STXBP4: variants seen among roughly 807,000 people sequenced by gnomAD.
STXBP4 encodes syntaxin binding protein 4, also known as syntaxin-binding protein 4.
In STXBP4, 55 loss-of-function variants were observed where a neutral mutation model predicts 76.1. That is an observed-to-expected ratio of 0.72 (90% confidence interval 0.58 to 0.91). The LOEUF is 0.91. STXBP4 is among the 40% of genes least tolerant of loss of function. STXBP4 has a pLI of 0.00. For synonymous variants in STXBP4, 201 were observed against 220.2 expected (o/e 0.91, Z 0.77); for missense variants, 618 against 636.9 (o/e 0.97, Z 0.32).
At chr17:54,971,580 A>G (rs1325149806) in intron 1 of STXBP4, among the ~76,000 whole-genome samples, 1 of 152,190 alleles carries the variant, frequency 6.6e-6, no homozygotes, top group Non-Finnish European at 1.5e-5. Context: ...TAGGGCTTCA[A>G]CATATGGATT....
intron 16 of STXBP4, among the ~76,000 whole-genome samples, chr17:55,119,753 A>G (rs1464679973): frequency 6.7e-6 from 1 of 149,720 alleles, no homozygotes; most frequent in Non-Finnish European, 1.5e-5. Context: ...ACTTTAACTC[A>G]GTTTATGTTC....
intron 16 of STXBP4, among the ~76,000 whole-genome samples, chr17:55,117,368 A>AT (rs903066614): frequency 1.3e-4 from 20 of 151,222 alleles, no homozygotes; most frequent in African/African-American, 3.6e-4. Context: ...TAGTTGTAAA[A>AT]TTTTTTTTTC....
Position 55,170,393 on chromosome 17 carries a change from A to G in STXBP4, c.*10482A>G, listed in dbSNP as rs940039710. 2 of 152,218 alleles carry G rather than the reference A, an allele frequency of 1.3e-5. No homozygotes were observed. Among genetic ancestry groups the G allele is most frequent in the Non-Finnish European group, 2.9e-5 (2 of 68,018 alleles). The allele number at this position is 152,218 out of a possible 1,614,324, so 9.4% of individuals were successfully genotyped here. On this transcript the variant is annotated 3_prime_UTR_variant, in exon 18 of 18. Coordinates refer to ENST00000376352, the MANE Select transcript of STXBP4 (RefSeq NM_178509.6). ...AACAGGAAACAGATCTGTATACAAT[A>G]TAAAACCAACAGTATTGTATATATA...
rs950027016 is a variant in STXBP4 at position 55,161,409 on chromosome 17, G to A, written c.*1498G>A. ...AAGCCCCAGAGGGAGCTATTTCCTT[G>A]CACCCCCCAGAGGTGAATGAGGTAT... On this transcript the variant is annotated 3_prime_UTR_variant, in exon 18 of 18. Transcript: ENST00000376352. 5.3e-5 allele frequency: 8 copies of A among 152,170 alleles called. No homozygotes were observed. The allele number at this position is 152,170 out of a possible 1,614,324, so 9.4% of individuals were successfully genotyped here. A position where few individuals can be genotyped will look rare whatever the true frequency, so the allele number is the denominator to read the frequency against.
chr17:55,101,298 C>T (rs1457391561), intron 16 of STXBP4, among the ~76,000 whole-genome samples: 1 of 152,118 alleles, frequency 6.6e-6, no homozygotes, highest in African/African-American at 2.4e-5. Context: ...CTTCAGACTC[C>T]TTATGAGAGA....
chr17:55,045,002 C>G (rs953913169), intron 11 of STXBP4, among the ~76,000 whole-genome samples: 11 of 151,966 alleles, frequency 7.2e-5, no homozygotes, highest in African/African-American at 2.2e-4. Context: ...TAGACTATTT[C>G]CAGTTTTTAA....
chr17:55,034,599 A>G (rs563147111), intron 10 of STXBP4, among the ~76,000 whole-genome samples: 4 of 152,252 alleles, frequency 2.6e-5, no homozygotes, highest in Non-Finnish European at 4.4e-5. Flanking sequence ...TATAATATAC[A>G]CATAGAAAAG....
At chr17:55,125,226 AATGACATAGTGGATG>A (rs1831119459) in intron 16 of STXBP4, among the ~76,000 whole-genome samples, 1 of 152,162 alleles carries the variant, frequency 6.6e-6, no homozygotes, top group South Asian at 2.1e-4. Flanking sequence ...ATTATTGCAG[AATGACATAGTGGATG>A]ATGACTAAAG....
chr17:55,112,475 G>C (rs1467758849), intron 16 of STXBP4, among the ~76,000 whole-genome samples: 1 of 152,124 alleles, frequency 6.6e-6, no homozygotes. Flanking sequence ...TATAAAACTA[G>C]ACAATAATTG....
rs2080359934 is a variant in STXBP4 at position 55,164,025 on chromosome 17, A to C, written c.*4114A>C. The C allele has an allele frequency of 6.6e-6, 1 of 152,662 alleles. No individual in the cohort carries two copies. Among genetic ancestry groups the C allele is most frequent in the South Asian group, 2.1e-4 (1 of 4,834 alleles). 9.5% of individuals were successfully genotyped at this position (152,662 alleles called of 1,614,324 possible). The stretch of plus-strand genomic sequence containing the variant: ...AAATGCAACTTTTTGAAGAATCAAC[A>C]CGCTTGACATTTTTACAATGTACAT... On this transcript the variant is annotated 3_prime_UTR_variant, in exon 18 of 18. Coordinates refer to ENST00000376352, the MANE Select transcript of STXBP4 (RefSeq NM_178509.6).
At chr17:55,096,689 A>T (rs2079490806) in intron 16 of STXBP4, among the ~76,000 whole-genome samples, 1 of 151,862 alleles carries the variant, frequency 6.6e-6, no homozygotes. Flanking sequence ...AGAATTTTTA[A>T]GCATCATGGA....
chr17:55,037,782 A>G (rs1164660032), intron 10 of STXBP4, among the ~76,000 whole-genome samples: 1 of 152,184 alleles, frequency 6.6e-6, no homozygotes, highest in Admixed American at 6.6e-5. Context: ...TTGCATTCTT[A>G]TTTAATATTC....
chr17:55,026,861 T>C (rs2144657615), intron 8 of STXBP4, among the ~76,000 whole-genome samples: 1 of 152,170 alleles, frequency 6.6e-6, no homozygotes, highest in Non-Finnish European at 1.5e-5. Flanking sequence ...ATGGGAAGTA[T>C]GCTGCGGCCT....
intron 12 of STXBP4, among the ~76,000 whole-genome samples, chr17:55,047,393 T>G (rs2078804811): frequency 6.6e-6 from 1 of 151,838 alleles, no homozygotes; most frequent in African/African-American, 2.4e-5. Flanking sequence ...TCTTTGAAAT[T>G]TCTTTGAAAA....
At chr17:55,049,475 G>T (rs548633637) in intron 12 of STXBP4, among the ~76,000 whole-genome samples, 2 of 151,850 alleles carry the variant, frequency 1.3e-5, no homozygotes, top group African/African-American at 4.8e-5. Context: ...ACATCATTTT[G>T]TTATATAAGC....
chr17:55,109,589 A>G (rs956356929), intron 16 of STXBP4, among the ~76,000 whole-genome samples: 2 of 142,396 alleles, frequency 1.4e-5, no homozygotes, highest in African/African-American at 5.2e-5. Flanking sequence ...TTAGTTTCCT[A>G]TTGCTGCTGT....
chr17:55,077,679 C>G (rs1400860333), intron 13 of STXBP4, among the ~76,000 whole-genome samples: 2 of 138,906 alleles, frequency 1.4e-5, no homozygotes, highest in African/African-American at 5.6e-5. Context: ...CTAGCTTTGT[C>G]TTACATCGTG....
intron 15 of STXBP4, among the ~76,000 whole-genome samples, chr17:55,079,719 A>G (rs1254317171): frequency 1.3e-5 from 2 of 152,024 alleles, no homozygotes; most frequent in African/African-American, 4.8e-5. Context: ...TGAGGCTGCA[A>G]TGAGCTGTGA....
chr17:55,117,071 A>T (rs2079789230), intron 16 of STXBP4, among the ~76,000 whole-genome samples: 1 of 151,870 alleles, frequency 6.6e-6, no homozygotes, highest in South Asian at 2.1e-4. Flanking sequence ...AAGTTTTTTT[A>T]AAAATAATAA....
Sources: allele counts gnomAD v4.1 joint callset (sites outside exome capture counted in the v4.1 genomes callset), GRCh38; gene constraint gnomAD v4.1.1; transcripts MANE v1.5; gene names NCBI Gene and HGNC (gene_info 2026-07-23, HGNC 2026-07-21).